Variants in LARGE1 observed in about 807,000 individuals in gnomAD.
The protein encoded by LARGE1 is xylosyl- and glucuronyltransferase LARGE1.
A neutral mutation model predicts 87.6 loss-of-function variants in LARGE1; 43 were observed. The ratio of observed to expected loss-of-function variants is 0.49; its 90% CI spans 0.38 to 0.63. The LOEUF is 0.63. LARGE1 is among the 30% of genes least tolerant of loss of function. The pLI is 0.00. For missense variants in LARGE1, 802 were observed against 1,000.2 expected (o/e 0.80, Z 2.67); for synonymous variants, 434 against 394.6 (o/e 1.10, Z -1.18).
intron 1 of LARGE1, among the ~76,000 whole-genome samples, chr22:33,899,836 C>T (rs1175044690): frequency 6.6e-6 from 1 of 152,198 alleles, no homozygotes; most frequent in Non-Finnish European, 1.5e-5. Context: ...CTTTGGGCAT[C>T]TCAAAGAATA....
downstream of LARGE1, among the ~76,000 whole-genome samples, chr22:33,157,509 C>G (rs1340107552): frequency 7.2e-5 from 11 of 152,332 alleles, no homozygotes; most frequent in Admixed American, 6.5e-4. Context: ...ACAGCTCTAA[C>G]TAAACTGCCT....
At chr22:33,142,491 C>T in the LARGE1 span, among the ~76,000 whole-genome samples, 1 of 152,062 alleles carries the variant, frequency 6.6e-6, no homozygotes, top group African/African-American at 2.4e-5. Flanking sequence ...GGGCATATTT[C>T]CCTCTTACTG....
At chr22:33,731,215 C>T (rs867304361) in intron 2 of LARGE1, among the ~76,000 whole-genome samples, 3 of 151,700 alleles carry the variant, frequency 2.0e-5, no homozygotes, top group Non-Finnish European at 2.9e-5. Flanking sequence ...ATGTTAGCCA[C>T]GATGGTCTCG....
chr22:33,797,148 G>C (rs532167044), intron 1 of LARGE1, among the ~76,000 whole-genome samples: 1 of 152,100 alleles, frequency 6.6e-6, no homozygotes, highest in East Asian at 1.9e-4. Flanking sequence ...GACAGAAGAG[G>C]GTGATGGACC....
chr22:33,124,277 T>C, the LARGE1 span, among the ~76,000 whole-genome samples: 1 of 149,042 alleles, frequency 6.7e-6, no homozygotes, highest in Non-Finnish European at 1.5e-5. Flanking sequence ...CACTCCAGAC[T>C]AGGCACCAGA....
At chr22:33,389,603 G>A (rs1347064030) in intron 7 of LARGE1, among the ~76,000 whole-genome samples, 1 of 152,238 alleles carries the variant, frequency 6.6e-6, no homozygotes, top group Non-Finnish European at 1.5e-5. Context: ...CCAGCACTTT[G>A]GGAGGCTGAG....
downstream of LARGE1, among the ~76,000 whole-genome samples, chr22:33,162,072 T>G (rs1406711123): frequency 6.6e-6 from 1 of 152,198 alleles, no homozygotes; most frequent in East Asian, 1.9e-4. Flanking sequence ...CCCTCCAAAC[T>G]GTTCCAACCT....
At chr22:33,318,714 T>C (rs947948291) in intron 10 of LARGE1, among the ~76,000 whole-genome samples, 7 of 152,024 alleles carry the variant, frequency 4.6e-5, no homozygotes, top group African/African-American at 1.7e-4. Context: ...AACCGGCACA[T>C]TGTGCACATG....
intron 5 of LARGE1, among the ~76,000 whole-genome samples, chr22:33,588,959 T>G (rs1436402614): frequency 6.6e-6 from 1 of 152,196 alleles, no homozygotes; most frequent in Non-Finnish European, 1.5e-5. Context: ...CTATCTGGTG[T>G]CTGACAGACC....
At chr22:33,501,456 G>C (rs1463568597) in intron 6 of LARGE1, among the ~76,000 whole-genome samples, 6 of 152,316 alleles carry the variant, frequency 3.9e-5, no homozygotes, top group East Asian at 3.9e-4. Flanking sequence ...GGCCACAGGG[G>C]AGAGGAGGAT....
intron 1 of LARGE1, among the ~76,000 whole-genome samples, chr22:33,763,549 G>A (rs2267282): frequency 0.26 from 39,147 of 152,030 alleles, 5,762 homozygotes; most frequent in South Asian, 0.41. Flanking sequence ...CAAGTCCCGT[G>A]AATCTCTTAG....
At chr22:33,311,026 TCTC>T (rs1935529386) in intron 11 of LARGE1, among the ~76,000 whole-genome samples, 1 of 151,696 alleles carries the variant, frequency 6.6e-6, no homozygotes, top group East Asian at 2.0e-4. Flanking sequence ...AGTGGCACGA[TCTC>T]AGCTCACTGC....
At chr22:33,632,271 C>A (rs556898476) in intron 3 of LARGE1, among the ~76,000 whole-genome samples, 1 of 152,152 alleles carries the variant, frequency 6.6e-6, no homozygotes, top group Non-Finnish European at 1.5e-5. Context: ...TACAGGCATG[C>A]GGCCATCATG....
chr22:33,265,048 G>T (rs1927857215), intron 11 of LARGE1, among the ~76,000 whole-genome samples: 1 of 151,762 alleles, frequency 6.6e-6, no homozygotes, highest in South Asian at 2.1e-4. Context: ...TTACAGGCAT[G>T]TGCCACCATG....
At chr22:33,645,507 C>G (rs1358637112) in intron 3 of LARGE1, among the ~76,000 whole-genome samples, 1 of 152,156 alleles carries the variant, frequency 6.6e-6, no homozygotes. Flanking sequence ...AAAACCTAGG[C>G]AATACCATTC....
At chr22:33,499,184 G>A (rs1017257659) in intron 6 of LARGE1, among the ~76,000 whole-genome samples, 21 of 152,128 alleles carry the variant, frequency 1.4e-4, no homozygotes, top group Non-Finnish European at 2.5e-4. Context: ...GGGTCAGAGT[G>A]GAACCCAAGC....
At chr22:33,622,813 C>T (rs2079797865) in intron 4 of LARGE1, among the ~76,000 whole-genome samples, 1 of 152,218 alleles carries the variant, frequency 6.6e-6, no homozygotes, top group South Asian at 2.1e-4. Flanking sequence ...ATTTTCGTAG[C>T]ACATACTAAG....
At chr22:33,398,488 C>T (rs974766581) in intron 7 of LARGE1, among the ~76,000 whole-genome samples, 6 of 152,224 alleles carry the variant, frequency 3.9e-5, no homozygotes, top group East Asian at 3.9e-4. Context: ...ACTCACTTGC[C>T]GAACTAGAGT....
At chr22:33,555,774 C>T (rs1288115248) in intron 6 of LARGE1, among the ~76,000 whole-genome samples, 2 of 151,544 alleles carry the variant, frequency 1.3e-5, no homozygotes, top group African/African-American at 4.9e-5. Context: ...ACTAAAACTA[C>T]AAAAAATTAG....
Sources: gnomAD v4.1 joint callset for allele counts (sites outside exome capture counted in the v4.1 genomes callset) on GRCh38, gnomAD v4.1.1 for gene constraint, MANE v1.5 for transcripts, NCBI Gene and HGNC (gene_info 2026-07-23, HGNC 2026-07-21) for gene names.